Variants in TTC3 observed in about 807,000 individuals in gnomAD.
TTC3 encodes E3 ubiquitin-protein ligase TTC3.
TTC3 carries 180 observed loss-of-function variants against 249.6 expected under a neutral mutation model. The ratio of observed to expected loss-of-function variants is 0.72; its 90% CI spans 0.64 to 0.82. TTC3 has a LOEUF of 0.82. Among genes scored for constraint, TTC3 ranks in the 40% least tolerant of loss-of-function variants. The pLI, the probability that TTC3 is intolerant of heterozygous loss-of-function variation, is 0.00. For missense variants in TTC3, 2,061 were observed against 2,398.4 expected, an observed-to-expected ratio of 0.86 and a Z score of 2.94; for synonymous variants, 717 against 805.0, an observed-to-expected ratio of 0.89 and a Z score of 1.85.
intron 42 of TTC3, among the ~76,000 whole-genome samples, chr21:37,197,119 G>A (rs2084998044): frequency 6.6e-6 from 1 of 152,350 alleles, no homozygotes. Context: ...TTCTGAGACA[G>A]TGTTAATTAC....
chr21:37,125,607 A>G (rs1050642427), intron 14 of TTC3, among the ~76,000 whole-genome samples: 2 of 151,862 alleles, frequency 1.3e-5, no homozygotes, highest in Admixed American at 1.3e-4. Context: ...ATTATAATTG[A>G]TCTTTAATAA....
intron 1 of TTC3, 61 bp downstream of exon 1, chr21:37,073,534 A>C: frequency 1.2e-6 from 1 of 830,800 alleles, no homozygotes; most frequent in Middle Eastern, 6.2e-4. Flanking sequence ...CTGTGTCTGC[A>C]TGGGTTGGGT....
chr21:37,128,882 C>T lies in TTC3; in HGVS notation c.1298-121C>T, dbSNP rs1052053217. 766 of 585,066 alleles carry T rather than the reference C, an allele frequency of 1.3e-3. 5 individuals carry two copies. In the African/African-American group the frequency reaches 0.014, roughly 10 times the overall value. The allele number at this position is 585,066 out of a possible 1,614,324, so 36.2% of individuals were successfully genotyped here. A position where few individuals can be genotyped will look rare whatever the true frequency, so the allele number is the denominator to read the frequency against. On this transcript the variant is annotated intron_variant, in intron 15 of 45. Coordinates refer to ENST00000355666, the Ensembl canonical transcript of TTC3. ...TTGGCTTACCCTTTTGTAGTTACAC[C>T]CACGTACCACATTTCTGCTTCTGTT...
intron 27 of TTC3, among the ~76,000 whole-genome samples, chr21:37,155,240 T>G (rs2079921385): frequency 6.6e-6 from 1 of 151,810 alleles, no homozygotes; most frequent in South Asian, 2.1e-4. Flanking sequence ...TGCACATATT[T>G]ACCATAAGAG....
In TTC3 at chr21:37,136,966, G is replaced by A. The variant is rs548815809; in HGVS notation, c.1578+1452G>A. On this transcript the variant is annotated intron_variant, in intron 18 of 45. Coordinates refer to ENST00000355666, the Ensembl canonical transcript of TTC3. ...GAATTATGCTAATTCACTCTGCCTGGAGCCCTAGAAATGGAACAACAAAGC... is the reference window on the plus strand; with the variant it reads ...GAATTATGCTAATTCACTCTGCCTGAAGCCCTAGAAATGGAACAACAAAGC... Among the ~76,000 whole-genome samples the A allele has an allele frequency of 2.6e-5, 4 of 152,278 alleles. No homozygotes were observed. In the South Asian group the frequency reaches 8.3e-4, roughly 32 times the overall value.
At chr21:37,202,094 A>G (rs1230436333) in exon 46 of TTC3, 1 of 152,204 alleles carries the variant, frequency 6.6e-6, no homozygotes, top group Non-Finnish European at 1.5e-5. Flanking sequence ...CTATATTTTA[A>G]TAATTTATAG....
At chr21:37,128,773 C>A (rs1022220430) in intron 15 of TTC3, among the ~76,000 whole-genome samples, 28 of 152,116 alleles carry the variant, frequency 1.8e-4, no homozygotes, top group African/African-American at 6.0e-4. Flanking sequence ...TATGGTAGAC[C>A]TAAATCATAA....
At chr21:37,122,462 T>C (rs925872829) in intron 12 of TTC3, among the ~76,000 whole-genome samples, 5 of 145,326 alleles carry the variant, frequency 3.4e-5, no homozygotes, top group Non-Finnish European at 7.4e-5. Context: ...TAATGTTTTT[T>C]ATATATATAG....
At chr21:37,156,569 G>C in intron 27 of TTC3, 86 bp from the exon 28 acceptor site, 1 of 1,495,702 alleles carries the variant, frequency 6.7e-7, no homozygotes, top group Non-Finnish European at 9.0e-7. Context: ...ACTATAATCA[G>C]CTGCTTTCAG....
At chr21:37,162,146 C>A in intron 31 of TTC3, 83 bp downstream of exon 31, 1 of 841,640 alleles carries the variant, frequency 1.2e-6, no homozygotes, top group Non-Finnish European at 1.8e-6. Context: ...TATATATAAA[C>A]TTGTGTTTTA....
At chr21:37,090,524 A>G (rs1352625115) in intron 6 of TTC3, 2 of 910,230 alleles carry the variant, frequency 2.2e-6, no homozygotes, top group East Asian at 2.4e-4. Context: ...TTACAAGTTG[A>G]TTCTTTTTCT....
At chr21:37,124,112 CTTTTTTTTTTTT>C (rs60916518) in intron 13 of TTC3, among the ~76,000 whole-genome samples, 2 of 61,282 alleles carry the variant, frequency 3.3e-5, no homozygotes, top group South Asian at 1.4e-3. Flanking sequence ...TTGAACTGTT[CTTTTTTTTTTTT>C]TTTTTTTTTT....
chr21:37,189,873 C>T (rs536898125), intron 39 of TTC3, among the ~76,000 whole-genome samples: 74 of 126,900 alleles, frequency 5.8e-4, no homozygotes, highest in Non-Finnish European at 9.7e-4. Context: ...CCACGCCGGC[C>T]GGCCTTGTTT....
chr21:37,095,140 T>C (rs967941413), intron 8 of TTC3, among the ~76,000 whole-genome samples: 1 of 141,472 alleles, frequency 7.1e-6, no homozygotes, highest in South Asian at 2.1e-4. Flanking sequence ...TAAAAATATG[T>C]GTGTGTGTGT....
intron 10 of TTC3, chr21:37,098,524 G>A (rs2074170543): frequency 6.6e-6 from 1 of 152,206 alleles, no homozygotes; most frequent in Non-Finnish European, 1.5e-5. Flanking sequence ...CCTTGCTGAT[G>A]GTCTAGCTTG....
At chr21:37,195,840 C>G (rs781598350) in exon 42 of TTC3, 2 of 1,614,242 alleles carry the variant, frequency 1.2e-6, no homozygotes, top group South Asian at 2.2e-5. Context: ...GCCAGGGCCA[C>G]CCCCTGGTCA....
intron 41 of TTC3, chr21:37,194,782 G>C (rs746311687): frequency 6.6e-6 from 1 of 152,218 alleles, no homozygotes; most frequent in Non-Finnish European, 1.5e-5. Context: ...AGGATTACGG[G>C]AAGCTACTAT....
At chr21:37,080,909 A>G (rs2071549800) in intron 1 of TTC3, among the ~76,000 whole-genome samples, 1 of 151,722 alleles carries the variant, frequency 6.6e-6, no homozygotes, top group African/African-American at 2.4e-5. Flanking sequence ...TTAATTGGTT[A>G]TGTTCCAGGT....
chr21:37,148,327 C>G (rs2079157690), intron 22 of TTC3, among the ~76,000 whole-genome samples: 1 of 152,160 alleles, frequency 6.6e-6, no homozygotes, highest in Non-Finnish European at 1.5e-5. Flanking sequence ...ATTCAAGAAG[C>G]TAGTAGCTGC....
Sources: gnomAD v4.1 joint callset for allele counts (sites outside exome capture counted in the v4.1 genomes callset) on GRCh38, gnomAD v4.1.1 for gene constraint, MANE v1.5 for transcripts, NCBI Gene and HGNC (gene_info 2026-07-23, HGNC 2026-07-21) for gene names.